Variants in ZNF623 observed in about 807,000 individuals in gnomAD.
ZNF623 encodes zinc finger protein 623.
In ZNF623, 16 loss-of-function variants were observed where a neutral mutation model predicts 24.0. That is an observed-to-expected ratio of 0.67 (90% CI 0.45 to 1.01). The LOEUF (loss-of-function observed/expected upper bound fraction) is 1.01, where lower values mean the gene tolerates loss of function less well. ZNF623 is among the 50% of genes least tolerant of loss of function. The probability of loss-of-function intolerance (pLI) is 0.00; values close to 1 mark genes in which losing one functional copy is unlikely to be tolerated. For missense variants in ZNF623, 566 were observed against 606.5 expected (o/e 0.93, Z 0.70); for synonymous variants, 224 against 219.8 (o/e 1.02, Z -0.17).
chr8:143,637,699 G>A (rs920977384), intron 1 of ZNF623, among the ~76,000 whole-genome samples: 2 of 152,062 alleles, frequency 1.3e-5, no homozygotes, highest in East Asian at 1.9e-4. Context: ...ACAGGCACAC[G>A]GCACCACGTC....
chr8:143,639,144 G>A (rs201428001), intron 1 of ZNF623, among the ~76,000 whole-genome samples: 2 of 151,642 alleles, frequency 1.3e-5, no homozygotes, highest in Admixed American at 6.6e-5. Flanking sequence ...TGCCTGCCTC[G>A]GCCTCCCAAA....
At chr8:143,646,897 C>G (rs1815187680) in intron 1 of ZNF623, among the ~76,000 whole-genome samples, 1 of 152,152 alleles carries the variant, frequency 6.6e-6, no homozygotes, top group South Asian at 2.1e-4. Flanking sequence ...AACTCCTGGT[C>G]TCAAGTGACC....
chr8:143,651,200 G>C lies in ZNF623; in HGVS notation c.1208G>C (p.Ser403Thr). 1.2e-6 allele frequency: 2 copies of C among 1,614,198 alleles called. No homozygotes were observed. Among genetic ancestry groups the C allele is most frequent in the Non-Finnish European group, 1.7e-6 (2 of 1,180,034 alleles). Reference protein sequence around the residue: ...CKDCGKAFIQSSKLLLHQIIH... With the variant: ...CKDCGKAFIQTSKLLLHQIIH... Reference sequence around the variant, plus strand: ...GACTGTGGGAAAGCCTTCATCCAGAGCTCCAAGCTGCTTCTGCACCAGATT... The same window carrying C: ...GACTGTGGGAAAGCCTTCATCCAGACCTCCAAGCTGCTTCTGCACCAGATT... Residue 403 changes from serine (S) to threonine (T), a missense_variant, in exon 2 of 2, where the codon AGC (serine) becomes ACC (threonine). Coordinates refer to ENST00000526926, the MANE Select transcript of ZNF623 (RefSeq NM_001261843.2).
chr8:143,642,065 ATCT>A (rs1425239373), intron 1 of ZNF623, among the ~76,000 whole-genome samples: 2 of 152,234 alleles, frequency 1.3e-5, no homozygotes, highest in Non-Finnish European at 2.9e-5. Flanking sequence ...CCTAGATGCC[ATCT>A]TCTTCCAATA....
chr8:143,641,273 T>C (rs1250723086), intron 1 of ZNF623, among the ~76,000 whole-genome samples: 2 of 152,234 alleles, frequency 1.3e-5, no homozygotes, highest in Non-Finnish European at 2.9e-5. Context: ...GGAATCATTA[T>C]GGCACCTACA....
rs1354682943 is a variant in ZNF623 at position 143,652,969 on chromosome 8, G to A, written c.*1486G>A. ...AGGGTGAGTTAAGTATGTGCCCTCA[G>A]GTGTGAAGGAGCACAGGTGAGGGGG... On this transcript the variant is annotated 3_prime_UTR_variant, in exon 2 of 2. Coordinates refer to ENST00000526926, the MANE Select transcript of ZNF623 (RefSeq NM_001261843.2). 1 of 167,186 alleles carries A rather than the reference G, an allele frequency of 6.0e-6. No homozygotes were observed. 10.4% of individuals were successfully genotyped at this position (167,186 alleles called of 1,614,324 possible).
intron 1 of ZNF623, among the ~76,000 whole-genome samples, chr8:143,637,536 A>ATATTTATT (rs72024244): frequency 4.5e-4 from 68 of 150,858 alleles, no homozygotes; most frequent in African/African-American, 1.6e-3. Flanking sequence ...ATTTCAAGTG[A>ATATTTATT]TATTTATTTA....
intron 1 of ZNF623, among the ~76,000 whole-genome samples, chr8:143,649,505 A>C (rs934304351): frequency 1.3e-5 from 2 of 152,138 alleles, no homozygotes; most frequent in African/African-American, 4.8e-5. Context: ...AGAAGAGGAC[A>C]TGAAGGAAGG....
rs777501429 is a variant in ZNF623 at position 143,650,035 on chromosome 8, A to G, written c.43A>G (p.Arg15Gly). The G allele has an allele frequency of 6.2e-7, 1 of 1,614,122 alleles. No homozygotes were observed. Among genetic ancestry groups the G allele is most frequent in the Non-Finnish European group, 8.5e-7 (1 of 1,179,974 alleles). ...CGAGTCTGAGGAAGTCCACGAGCCC[A>G]GATTAGGGGAGCTCTTGGGAAATCC... The part of the protein sequence containing the change: ...SPESEEVHEP[R>G]LGELLGNPEG... Residue 15 changes from arginine to glycine, a missense_variant, in exon 2 of 2, where the codon AGA (arginine) becomes GGA (glycine). Physicochemically the swap from Arg to Gly is moderately radical, Grantham distance 125. This residue lies in a region of ZNF623 where 313 missense variants were observed against 300.4 expected (regional missense o/e 1.04). Coordinates refer to ENST00000526926, the MANE Select transcript of ZNF623 (RefSeq NM_001261843.2). The surrounding 1 kb of genome is among the most constrained non-coding windows in gnomAD (Gnocchi z 5.2).
chr8:143,639,770 A>G (rs1815009493), intron 1 of ZNF623, among the ~76,000 whole-genome samples: 1 of 152,248 alleles, frequency 6.6e-6, no homozygotes, highest in Non-Finnish European at 1.5e-5. Context: ...GGTGTTTCAA[A>G]TAAGAAACTT....
At chr8:143,641,443 TTTTTTTTTTTTTTTTTTTTTTTTTC>T (rs1815051763) in intron 1 of ZNF623, among the ~76,000 whole-genome samples, 1 of 8,442 alleles carries the variant, frequency 1.2e-4, no homozygotes, top group African/African-American at 2.4e-4. Context: ...GTGAGTAGTG[TTTTTTTTTTTTTTTTTTTTTTTTTC>T]TTTTTTTTTT....
intron 1 of ZNF623, chr8:143,636,538 C>T (rs1563695431): frequency 6.6e-6 from 1 of 152,378 alleles, no homozygotes; most frequent in Non-Finnish European, 1.5e-5. Context: ...ATGCCGCAGA[C>T]ATGTTTTACG....
chr8:143,648,134 C>A (rs1815214233), intron 1 of ZNF623, among the ~76,000 whole-genome samples: 1 of 152,090 alleles, frequency 6.6e-6, no homozygotes, highest in African/African-American at 2.4e-5. Context: ...TGTGAGTGTT[C>A]AGCATAGATG....
Position 143,651,284 on chromosome 8 carries a change from G to A in ZNF623, c.1292G>A (p.Arg431Lys). ...TATTGTGGGAAAGGCTTTATTCAGA[G>A]GTCAAACTTCCTTCAACACCAGAAA... is the stretch of plus-strand genomic sequence containing the variant. ...CSYCGKGFIQ[R>K]SNFLQHQKIH... is the part of the protein sequence containing the mutation. Residue 431 changes from arginine (R) to lysine (K), a missense_variant, in exon 2 of 2, where the codon AGG (arginine) becomes AAG (lysine). Arg to Lys is a conservative substitution (Grantham distance 26, BLOSUM62 2). Transcript: ENST00000526926. 4 of 1,614,184 alleles carry A rather than the reference G, an allele frequency of 2.5e-6. No homozygotes were observed. Among genetic ancestry groups the A allele is most frequent in the Non-Finnish European group, 3.4e-6 (4 of 1,180,042 alleles).
chr8:143,639,411 C>CG (rs1212630380), intron 1 of ZNF623, among the ~76,000 whole-genome samples: 2 of 141,140 alleles, frequency 1.4e-5, no homozygotes, highest in African/African-American at 2.6e-5. Flanking sequence ...TTAGTAGAGA[C>CG]GGGGGTTTCT....
At position 143,636,157 on chromosome 8, in the gene ZNF623, G is replaced by C. The variant is rs1814913949; in HGVS notation, c.-96+12G>C. ...CCCGCCCGCGCCGGGTGAGTGGCGCGTTCCGGACGGGGGCGGGCAACGCCT... is the reference window on the plus strand; with the variant it reads ...CCCGCCCGCGCCGGGTGAGTGGCGCCTTCCGGACGGGGGCGGGCAACGCCT... On this transcript the variant is annotated intron_variant, in intron 1 of 1. Transcript: ENST00000526926. 1 of 152,040 alleles carries C rather than the reference G, an allele frequency of 6.6e-6. No homozygotes were observed. The highest frequency in any genetic ancestry group is 1.5e-5 in the Non-Finnish European group (1 of 67,968). 9.4% of individuals were successfully genotyped at this position (152,040 alleles called of 1,614,324 possible).
rs187648581 is a variant in ZNF623 at position 143,651,540 on chromosome 8, A to C, written c.*57A>C. 2 of 1,519,340 alleles carry C rather than the reference A, an allele frequency of 1.3e-6. No homozygotes were observed. Among genetic ancestry groups the C allele is most frequent in the Admixed American group, 2.3e-5 (1 of 44,420 alleles). 94.1% of individuals were successfully genotyped at this position (1,519,340 alleles called of 1,614,324 possible). On this transcript the variant is annotated 3_prime_UTR_variant, in exon 2 of 2. Coordinates refer to ENST00000526926, the MANE Select transcript of ZNF623 (RefSeq NM_001261843.2). ...TTGGAAATGCGTGGAATTAGGATTCATGTGGTTTCTAAGATTTGGACATGT... is the reference window on the plus strand; with the variant it reads ...TTGGAAATGCGTGGAATTAGGATTCCTGTGGTTTCTAAGATTTGGACATGT...
intron 1 of ZNF623, among the ~76,000 whole-genome samples, chr8:143,637,961 G>T (rs1814962031): frequency 6.6e-6 from 1 of 152,084 alleles, no homozygotes; most frequent in Non-Finnish European, 1.5e-5. Context: ...TGCATTTCAT[G>T]TCAGTTTCTT....
At chr8:143,649,705 C>A (rs750737322) in intron 1 of ZNF623, 193 bp from the exon 2 acceptor site, 1 of 635,682 alleles carries the variant, frequency 1.6e-6, no homozygotes, top group Non-Finnish European at 2.7e-6. Flanking sequence ...AAAAGTGGAG[C>A]CACAAAGAAG....
Sources: gnomAD v4.1 joint callset for allele counts (sites outside exome capture counted in the v4.1 genomes callset) on GRCh38, gnomAD v4.1.1 for gene constraint, gnomAD v4.1.1 regional missense constraint, Gnocchi (gnomAD v3.1) non-coding constraint, MANE v1.5 for transcripts, NCBI Gene and HGNC (gene_info 2026-07-23, HGNC 2026-07-21) for gene names.